Variants in GMDS observed in about 807,000 individuals in gnomAD.
The protein encoded by GMDS is GDP-mannose 4,6 dehydratase.
GMDS carries 20 observed loss-of-function variants against 49.9 expected under a neutral mutation model. The observed-to-expected ratio is 0.40, with a 90% CI of 0.28 to 0.58. The LOEUF is 0.58. Among genes scored for constraint, GMDS ranks in the 20% least tolerant of loss-of-function variants. GMDS has a pLI of 0.42. For synonymous variants in GMDS, 177 were observed against 178.6 expected (o/e 0.99, Z 0.07); for missense variants, 362 against 481.4 (o/e 0.75, Z 2.32).
intron 9 of GMDS, among the ~76,000 whole-genome samples, chr6:1,645,084 T>C (rs938569166): frequency 6.6e-6 from 1 of 151,970 alleles, no homozygotes; most frequent in Non-Finnish European, 1.5e-5. Context: ...TACAGGCATG[T>C]GCCACCACGC....
chr6:1,960,951 C>A lies in GMDS; in HGVS notation c.361G>T (p.Ala121Ser). The change falls in exon 5 of 11, where the codon GCT becomes TCT. Residue 121 changes from alanine (A) to serine (S), a missense_variant. By Grantham distance (99) the Ala-to-Ser change is moderately conservative (BLOSUM62 1). Coordinates refer to ENST00000380815, the MANE Select transcript of GMDS (RefSeq NM_001500.4). ...QSHVKISFDL[A>S]EYTADVDGVG... ...CCGTCAACGTCCGCAGTGTACTCAG[C>A]GAGGTCAAAGGAAATCTGGAAAAAG... is the stretch of plus-strand genomic sequence containing the variant. 6.5e-7 allele frequency: 1 copy of A among 1,537,056 alleles called. No individual in the cohort carries two copies. Among genetic ancestry groups the A allele is most frequent in the Non-Finnish European group, 8.9e-7 (1 of 1,125,398 alleles).
chr6:2,143,640 C>T (rs1158375036), intron 1 of GMDS, among the ~76,000 whole-genome samples: 2 of 152,162 alleles, frequency 1.3e-5, no homozygotes, highest in African/African-American at 2.4e-5. Context: ...AGGCAAGGCG[C>T]CTCCCAAGCA....
chr6:2,104,319 C>CGTT (rs1269420625), intron 4 of GMDS, among the ~76,000 whole-genome samples: 3 of 152,354 alleles, frequency 2.0e-5, no homozygotes, highest in African/African-American at 7.2e-5. Flanking sequence ...GAGCCTTCTT[C>CGTT]GTTCTCCTAT....
intron 1 of GMDS, among the ~76,000 whole-genome samples, chr6:2,179,426 C>T (rs1778423331): frequency 6.6e-6 from 1 of 152,116 alleles, no homozygotes; most frequent in African/African-American, 2.4e-5. Context: ...GAGGAAACAC[C>T]TTTGGGGAAG....
intron 7 of GMDS, among the ~76,000 whole-genome samples, chr6:1,822,570 A>G (rs990640858): frequency 1.3e-5 from 2 of 152,246 alleles, no homozygotes; most frequent in African/African-American, 4.8e-5. Context: ...TAGATTAGCA[A>G]AATTAGAAAA....
rs10484695 is a variant in GMDS, at chr6:1,862,088, T to C, written c.771+68015A>G. Among the ~76,000 whole-genome samples the C allele has an allele frequency of 0.014, 2,162 of 152,342 alleles. 108 individuals are homozygous for C. In the East Asian group the frequency reaches 0.17, roughly 12 times the overall value. The stretch of plus-strand genomic sequence containing the variant: ...CATTACACTTTAAATCTTTGAGTAC[T>C]TAACTGGGATTTACAGACAATAACT... On this transcript the variant is annotated intron_variant, in intron 7 of 10. Transcript: ENST00000380815.
intron 1 of GMDS, among the ~76,000 whole-genome samples, chr6:2,213,965 T>G (rs548305530): frequency 6.6e-6 from 1 of 152,328 alleles, no homozygotes; most frequent in South Asian, 2.1e-4. Context: ...AACCTGCCTT[T>G]GGGCTCCTTA....
chr6:1,699,834 G>A (rs1342583566), intron 9 of GMDS, among the ~76,000 whole-genome samples: 1 of 152,188 alleles, frequency 6.6e-6, no homozygotes, highest in African/African-American at 2.4e-5. Context: ...ACATTCTCCT[G>A]TGTGCCACAG....
chr6:1,845,261 T>C (rs1274247592), intron 7 of GMDS, among the ~76,000 whole-genome samples: 2 of 152,190 alleles, frequency 1.3e-5, no homozygotes, highest in Non-Finnish European at 2.9e-5. Context: ...ACAGACTGAG[T>C]TAATGGCAGA....
At chr6:1,730,330 G>A (rs1269753886) in intron 8 of GMDS, among the ~76,000 whole-genome samples, 1 of 152,230 alleles carries the variant, frequency 6.6e-6, no homozygotes, top group East Asian at 1.9e-4. Flanking sequence ...AATTCTGGAA[G>A]CTGGAAAGCA....
At chr6:1,762,357 T>G (rs1768193236) in intron 7 of GMDS, among the ~76,000 whole-genome samples, 1 of 152,224 alleles carries the variant, frequency 6.6e-6, no homozygotes, top group South Asian at 2.1e-4. Context: ...GACGGGTTAC[T>G]CACGACGAAA....
At chr6:2,059,175 C>CAAAAAAAAAAAAAA (rs55832305) in intron 4 of GMDS, among the ~76,000 whole-genome samples, 1 of 30,004 alleles carries the variant, frequency 3.3e-5, no homozygotes, top group African/African-American at 1.3e-4. Flanking sequence ...TCCTCTGTCT[C>CAAAAAAAAAAAAAA]AAAAAAAAAA....
intron 7 of GMDS, among the ~76,000 whole-genome samples, chr6:1,789,598 C>T (rs1458251578): frequency 2.7e-5 from 4 of 147,170 alleles, no homozygotes; most frequent in Non-Finnish European, 5.9e-5. Context: ...CACAGTGGTG[C>T]GATCACGGCT....
At chr6:2,056,993 T>C (rs1770817926) in intron 4 of GMDS, among the ~76,000 whole-genome samples, 1 of 152,234 alleles carries the variant, frequency 6.6e-6, no homozygotes, top group African/African-American at 2.4e-5. Context: ...TTACTGCCCA[T>C]TTAATATGAA....
At chr6:1,830,022 T>C (rs534823283) in intron 7 of GMDS, among the ~76,000 whole-genome samples, 4 of 152,312 alleles carry the variant, frequency 2.6e-5, no homozygotes, top group African/African-American at 9.6e-5. Flanking sequence ...CTTATCAGTC[T>C]CTTCTTCTAG....
intron 6 of GMDS, among the ~76,000 whole-genome samples, chr6:1,958,172 T>A (rs560254213): frequency 1.3e-5 from 2 of 151,820 alleles, no homozygotes; most frequent in Non-Finnish European, 1.5e-5. Context: ...AAAAATAAGT[T>A]CTCATTAGGA....
At chr6:1,821,611 GTTT>G (rs3039703) in intron 7 of GMDS, among the ~76,000 whole-genome samples, 62 of 109,834 alleles carry the variant, frequency 5.6e-4, no homozygotes, top group African/African-American at 1.8e-3. Flanking sequence ...CAATTTATTT[GTTT>G]TTTTTTTTTT....
intron 1 of GMDS, among the ~76,000 whole-genome samples, chr6:2,134,143 C>G (rs1775876854): frequency 6.6e-6 from 1 of 152,148 alleles, no homozygotes; most frequent in Non-Finnish European, 1.5e-5. Flanking sequence ...GTAGACTGCA[C>G]AATCATGGTG....
At chr6:1,928,000 G>A (rs760101533) in intron 7 of GMDS, among the ~76,000 whole-genome samples, 6 of 151,946 alleles carry the variant, frequency 3.9e-5, no homozygotes, top group Admixed American at 2.6e-4. Context: ...TTTCACCTAC[G>A]TGCAAAATAA....
Sources: allele counts gnomAD v4.1 joint callset (sites outside exome capture counted in the v4.1 genomes callset), GRCh38; gene constraint gnomAD v4.1.1; transcripts MANE v1.5; gene names NCBI Gene and HGNC (gene_info 2026-07-23, HGNC 2026-07-21).